HMGA2: variants seen among roughly 807,000 people sequenced by gnomAD.
The protein encoded by HMGA2 is high mobility group AT-hook 2.
In HMGA2, 8 loss-of-function variants were observed where a neutral mutation model predicts 19.1. The observed-to-expected ratio is 0.42, with a 90% CI of 0.25 to 0.76. The LOEUF is 0.76. Ranked by LOEUF, HMGA2 falls within the 30% of genes least tolerant of loss-of-function variation. HMGA2 has a pLI of 0.28. For missense variants in HMGA2, 109 were observed against 136.3 expected (o/e 0.80, Z 1.00); for synonymous variants, 60 against 48.8 (o/e 1.23, Z -0.96).
intron 3 of HMGA2, among the ~76,000 whole-genome samples, chr12:65,919,399 TC>T (rs1351238767): frequency 1.1e-4 from 17 of 152,218 alleles, no homozygotes; most frequent in African/African-American, 4.1e-4. Flanking sequence ...ATGGTAGTAG[TC>T]CCATTGGACC....
intron 2 of HMGA2, among the ~76,000 whole-genome samples, chr12:65,834,594 TCCTCCCTCCCTC>T (rs1046425792): frequency 3.0e-4 from 40 of 135,288 alleles, no homozygotes; most frequent in African/African-American, 1.0e-3. Flanking sequence ...CTTCCTCCCT[TCCTCCCTCCCTC>T]CCTCCGTTCC....
chr12:65,902,370 CAAT>C (rs1874409006), intron 3 of HMGA2, among the ~76,000 whole-genome samples: 1 of 152,034 alleles, frequency 6.6e-6, no homozygotes, highest in Non-Finnish European at 1.5e-5. Context: ...TCTGTGAGCT[CAAT>C]TATAATATCT....
At chr12:65,937,834 G>T (rs1320160338) in intron 3 of HMGA2, among the ~76,000 whole-genome samples, 1 of 152,224 alleles carries the variant, frequency 6.6e-6, no homozygotes, top group African/African-American at 2.4e-5. Context: ...ATCTTGTGCA[G>T]CTGATTTCAG....
intron 3 of HMGA2, among the ~76,000 whole-genome samples, chr12:65,871,593 A>G (rs1872713611): frequency 6.6e-6 from 1 of 152,222 alleles, no homozygotes; most frequent in Non-Finnish European, 1.5e-5. Context: ...GCTAAAGAAT[A>G]ATGAAGCAGA....
intron 3 of HMGA2, among the ~76,000 whole-genome samples, chr12:65,865,903 A>G (rs895893902): frequency 1.3e-5 from 2 of 151,974 alleles, no homozygotes; most frequent in African/African-American, 2.4e-5. Context: ...TGGCCTCCCA[A>G]TGTGCTGGGA....
chr12:65,895,859 T>C (rs1377597069), intron 3 of HMGA2, among the ~76,000 whole-genome samples: 1 of 152,246 alleles, frequency 6.6e-6, no homozygotes, highest in Non-Finnish European at 1.5e-5. Flanking sequence ...TATTATATGC[T>C]TTCCTATTTC....
At chr12:65,928,904 T>A (rs1875610220) in intron 3 of HMGA2, among the ~76,000 whole-genome samples, 1 of 152,208 alleles carries the variant, frequency 6.6e-6, no homozygotes, top group Non-Finnish European at 1.5e-5. Context: ...ATATAAAGGA[T>A]GCAAAGACAA....
At chr12:65,904,129 T>C (rs760816935) in intron 3 of HMGA2, among the ~76,000 whole-genome samples, 10 of 152,246 alleles carry the variant, frequency 6.6e-5, no homozygotes, top group Non-Finnish European at 1.2e-4. Flanking sequence ...TTAGCTTCAT[T>C]TTCCAGAGGC....
At chr12:65,912,400 C>T (rs1309899716) in intron 3 of HMGA2, among the ~76,000 whole-genome samples, 1 of 152,022 alleles carries the variant, frequency 6.6e-6, no homozygotes, top group Non-Finnish European at 1.5e-5. Context: ...GAAAGAATGT[C>T]CCCTGGGAGC....
chr12:65,841,587 A>G (rs1290302678), intron 3 of HMGA2, among the ~76,000 whole-genome samples: 1 of 152,202 alleles, frequency 6.6e-6, no homozygotes, highest in Non-Finnish European at 1.5e-5. Context: ...AAATGGGCTT[A>G]TACTTTATAG....
intron 3 of HMGA2, chr12:65,842,031 G>T: frequency 8.3e-7 from 1 of 1,210,272 alleles, no homozygotes; most frequent in East Asian, 5.8e-5. Context: ...CTGGATTTCA[G>T]ATCTATTGTT....
intron 3 of HMGA2, among the ~76,000 whole-genome samples, chr12:65,887,213 G>T (rs1018616280): frequency 6.6e-6 from 1 of 152,264 alleles, no homozygotes; most frequent in South Asian, 2.1e-4. Context: ...TTCAATGAAG[G>T]CAATGAAAAC....
rs1870152648 is a variant in HMGA2, at chr12:65,825,917, A to T, written c.111+536A>T. On this transcript the variant is annotated intron_variant, in intron 1 of 4. Transcript: ENST00000403681. The surrounding 1 kb of genome is among the most constrained non-coding windows in gnomAD (Gnocchi z 4.4). ...AGCCGCCCCCTTGGCGCCCTCCTCCAAGCTCTCGGTGGCCCAAGACTCGCG... is the reference window on the plus strand; with the variant it reads ...AGCCGCCCCCTTGGCGCCCTCCTCCTAGCTCTCGGTGGCCCAAGACTCGCG... The T allele has an allele frequency of 6.7e-6, 1 of 149,082 alleles. No individual in the cohort carries two copies. The highest frequency in any genetic ancestry group is 2.5e-5 in the African/African-American group (1 of 40,066). The allele number at this position is 149,082 out of a possible 1,614,324, so 9.2% of individuals were successfully genotyped here.
chr12:65,915,226 A>G, intron 3 of HMGA2: 1 of 1,590,278 alleles, frequency 6.3e-7, no homozygotes, highest in Non-Finnish European at 8.6e-7. Context: ...GCTTTCTCCG[A>G]TATAGAAACC....
intron 3 of HMGA2, among the ~76,000 whole-genome samples, chr12:65,935,587 C>T (rs1343908333): frequency 1.3e-5 from 2 of 151,770 alleles, no homozygotes; most frequent in African/African-American, 4.8e-5. Flanking sequence ...AAAAGTGTAT[C>T]TGTCAACTCT....
At chr12:65,915,368 C>T in intron 3 of HMGA2, 1 of 1,329,456 alleles carries the variant, frequency 7.5e-7, no homozygotes, top group South Asian at 1.5e-5. Context: ...GAAAAAAGTA[C>T]TCACTCTAGG....
intron 3 of HMGA2, among the ~76,000 whole-genome samples, chr12:65,921,694 T>G (rs996527025): frequency 7.2e-5 from 11 of 152,248 alleles, no homozygotes; most frequent in Non-Finnish European, 5.9e-5. Context: ...AGCCTAATGT[T>G]AATCCCCAAG....
chr12:65,836,772 T>C (rs1302587033), intron 2 of HMGA2, among the ~76,000 whole-genome samples: 1 of 152,170 alleles, frequency 6.6e-6, no homozygotes, highest in Non-Finnish European at 1.5e-5. Context: ...CATTCAAAAG[T>C]GATAATAAAC....
intron 3 of HMGA2, among the ~76,000 whole-genome samples, chr12:65,841,879 C>A (rs1410499640): frequency 2.6e-5 from 4 of 152,280 alleles, no homozygotes; most frequent in South Asian, 4.1e-4. Flanking sequence ...GAGAAACTTG[C>A]ATCAGTCTTG....
Sources: allele counts gnomAD v4.1 joint callset (sites outside exome capture counted in the v4.1 genomes callset), GRCh38; gene constraint gnomAD v4.1.1; non-coding constraint Gnocchi (gnomAD v3.1); transcripts MANE v1.5; gene names NCBI Gene and HGNC (gene_info 2026-07-23, HGNC 2026-07-21).